LRP2BP: variants seen among roughly 807,000 people sequenced by gnomAD.
LRP2BP encodes the protein LRP2 binding protein.
A neutral mutation model predicts 45.2 loss-of-function variants in LRP2BP; 38 were observed. The ratio of observed to expected loss-of-function variants is 0.84; its 90% CI spans 0.65 to 1.10. The LOEUF (loss-of-function observed/expected upper bound fraction) is 1.10. LRP2BP is among the 50% of genes least tolerant of loss of function. LRP2BP has a pLI of 0.00. For missense variants in LRP2BP, 385 were observed against 418.9 expected (o/e 0.92, Z 0.71); for synonymous variants, 153 against 153.9 (o/e 0.99, Z 0.04).
At position 185,367,064 on chromosome 4, in the gene LRP2BP, A is replaced by G; in HGVS notation, c.*116T>C. On this transcript the variant is annotated 3_prime_UTR_variant, in exon 9 of 9. Transcript: ENST00000505916. ...AAGAACGAAGTAACATGTCACCTGT[A>G]AAATACCCAGGATAGTGTAATTTGT... The G allele has an allele frequency of 1.1e-6, 1 of 912,274 alleles. No homozygotes were observed. Among genetic ancestry groups the G allele is most frequent in the Non-Finnish European group, 1.7e-6 (1 of 589,586 alleles). The allele number at this position is 912,274 out of a possible 1,614,324, so 56.5% of individuals were successfully genotyped here. A position where few individuals can be genotyped will look rare whatever the true frequency, so the allele number is the denominator to read the frequency against.
At chr4:185,378,953 C>T in intron 1 of LRP2BP, 4 of 985,268 alleles carry the variant, frequency 4.1e-6, no homozygotes, top group Non-Finnish European at 4.8e-6. Context: ...ATAGAGAGAC[C>T]CTTAGTGTGA....
rs550395072 is a variant in LRP2BP at position 185,370,709 on chromosome 4, G to A, written c.909C>T (p.His303=). The change falls in exon 8 of 9, where the codon CAC becomes CAT. Residue 303 remains histidine, a synonymous_variant. Coordinates refer to ENST00000505916, the MANE Select transcript of LRP2BP (RefSeq NM_001377440.1). ...GRGMAMASFY[H]ARCLQLGLGI... The stretch of plus-strand genomic sequence containing the variant: ...CCAAGCCAAGCTGAAGACACCTTGC[G>A]TGGTAGAAGGATGCCATTGCCATGC... 27 of 1,614,034 alleles carry A rather than the reference G, an allele frequency of 1.7e-5. No homozygotes were observed. Among genetic ancestry groups the A allele is most frequent in the African/African-American group, 1.1e-4 (8 of 75,000 alleles).
At chr4:185,390,762 T>C (rs568878046) in intron 1 of LRP2BP, 1 of 152,324 alleles carries the variant, frequency 6.6e-6, no homozygotes, top group South Asian at 2.1e-4. Context: ...ACGCTGCCAC[T>C]GTGAGAGCTT....
chr4:185,392,324 T>G (rs2126851677), intron 1 of LRP2BP, among the ~76,000 whole-genome samples: 1 of 152,330 alleles, frequency 6.6e-6, no homozygotes, highest in South Asian at 2.1e-4. Flanking sequence ...CTCAGGAAAG[T>G]AAACATCATC....
At chr4:185,389,998 A>G (rs1376948680) in intron 1 of LRP2BP, among the ~76,000 whole-genome samples, 1 of 152,260 alleles carries the variant, frequency 6.6e-6, no homozygotes, top group African/African-American at 2.4e-5. Flanking sequence ...TGCATAAACT[A>G]TGGGCATAAG....
intron 4 of LRP2BP, among the ~76,000 whole-genome samples, chr4:185,375,008 A>G (rs2126799269): frequency 6.6e-6 from 1 of 152,238 alleles, no homozygotes; most frequent in African/African-American, 2.4e-5. Context: ...AAGATATTCT[A>G]ACCACTAGCA....
chr4:185,394,230 A>G (rs2095495823), intron 1 of LRP2BP, among the ~76,000 whole-genome samples: 2 of 149,494 alleles, frequency 1.3e-5, no homozygotes, highest in South Asian at 4.2e-4. Flanking sequence ...CTGCATTCCA[A>G]TCTGGGCAAG....
chr4:185,391,121 A>T (rs997566155), intron 1 of LRP2BP, among the ~76,000 whole-genome samples: 1 of 152,346 alleles, frequency 6.6e-6, no homozygotes, highest in South Asian at 2.1e-4. Context: ...GTTTTGAGGA[A>T]TACTAGCCGT....
At position 185,395,090 on chromosome 4, in the gene LRP2BP, C is replaced by CTT. The variant is rs36058225; in HGVS notation, c.-335_-334dup. 1.2e-4 allele frequency: 119 copies of CTT among 982,384 alleles called. No individual in the cohort carries two copies. Among genetic ancestry groups the CTT allele is most frequent in the Non-Finnish European group, 1.3e-4 (105 of 827,508 alleles). The allele number at this position is 982,384 out of a possible 1,614,324, so 60.9% of individuals were successfully genotyped here. A position where few individuals can be genotyped will look rare whatever the true frequency, so the allele number is the denominator to read the frequency against. On this transcript the variant is annotated 5_prime_UTR_variant, in exon 1 of 9. Coordinates refer to ENST00000505916, the MANE Select transcript of LRP2BP (RefSeq NM_001377440.1). ...AGTCAGATATCCAGCTGAGATACAA[C>CTT]TTTTTTTTCTGAAAACAATGTGAGC...
rs1267526864 is a variant in LRP2BP, at chr4:185,370,713, TA to T, written c.904del (p.Tyr302ThrfsTer29). 6.2e-7 allele frequency: 1 copy of T among 1,613,970 alleles called. No individual in the cohort carries two copies. The highest frequency in any genetic ancestry group is 1.3e-5 in the African/African-American group (1 of 74,884). ...IGRGMAMASF[Y>X]HARCLQLGLG... The stretch of plus-strand genomic sequence containing the variant: ...GCCAAGCTGAAGACACCTTGCGTGG[TA>T]GAAGGATGCCATTGCCATGCCTCTG... On this transcript the variant is annotated frameshift_variant, in exon 8 of 9. Transcript: ENST00000505916. LOFTEE classifies it high-confidence loss of function.
At chr4:185,397,245 C>A (rs938648762), upstream of LRP2BP, 15 of 1,614,038 alleles carry the variant, frequency 9.3e-6, 1 homozygote, top group Admixed American at 2.2e-4. Context: ...CCGCAGGAAG[C>A]GGCCTTGCTT....
chr4:185,375,559 CAAT>C (rs2095434646), intron 4 of LRP2BP, 51 bp downstream of exon 4: 1 of 581,340 alleles, frequency 1.7e-6, no homozygotes, highest in South Asian at 3.5e-5. Context: ...TAATTGTGTC[CAAT>C]AATCCACTGA....
chr4:185,388,052 C>T (rs1417712863), intron 1 of LRP2BP, among the ~76,000 whole-genome samples: 1 of 152,178 alleles, frequency 6.6e-6, no homozygotes, highest in Non-Finnish European at 1.5e-5. Context: ...GGTGTGTAGA[C>T]TGCCCCTTAA....
At chr4:185,394,053 G>A (rs940437135) in intron 1 of LRP2BP, among the ~76,000 whole-genome samples, 12 of 152,080 alleles carry the variant, frequency 7.9e-5, no homozygotes, top group Non-Finnish European at 1.6e-4. Context: ...GAGGTCAGGC[G>A]TTTGAGACCA....
chr4:185,389,676 A>G (rs1020480081), intron 1 of LRP2BP, among the ~76,000 whole-genome samples: 2 of 152,112 alleles, frequency 1.3e-5, no homozygotes, highest in South Asian at 2.1e-4. Context: ...CCAGTAAATC[A>G]TTTTTAGTTA....
chr4:185,391,706 A>G (rs1016547309), intron 1 of LRP2BP, among the ~76,000 whole-genome samples: 1 of 152,056 alleles, frequency 6.6e-6, no homozygotes, highest in African/African-American at 2.4e-5. Flanking sequence ...GTACTACACG[A>G]TGCTCTAGGC....
At chr4:185,388,454 T>TACCTATCAATCATCTACCTACCTACCC (rs1220560428) in intron 1 of LRP2BP, among the ~76,000 whole-genome samples, 1 of 152,140 alleles carries the variant, frequency 6.6e-6, no homozygotes, top group Non-Finnish European at 1.5e-5. Context: ...TCTGCCTACC[T>TACCTATCAATCATCTACCTACCTACCC]ACCTACCTAA....
chr4:185,392,398 A>C (rs1204301483), intron 1 of LRP2BP, among the ~76,000 whole-genome samples: 1 of 152,232 alleles, frequency 6.6e-6, no homozygotes, highest in Non-Finnish European at 1.5e-5. Context: ...GCAGTTGTTT[A>C]GAATAACTAT....
chr4:185,370,773 G>A lies in LRP2BP; in HGVS notation c.845C>T (p.Ala282Val). 3 of 1,614,134 alleles carry A rather than the reference G, an allele frequency of 1.9e-6. No individual in the cohort carries two copies. Among genetic ancestry groups the A allele is most frequent in the Non-Finnish European group, 2.5e-6 (3 of 1,180,014 alleles). ...YDEVHDIPMI[A>V]QVTDCLPEFI... ...CTCCGGGAGACAGTCTGTGACCTGG[G>A]CGATCATGGGGATGTCGTGAACCTC... Residue 282 changes from alanine (A) to valine (V), a missense_variant, in exon 8 of 9, where the codon GCC (alanine) becomes GTC (valine). Physicochemically the swap from Ala to Val is moderately conservative, Grantham distance 64. Transcript: ENST00000505916.
Sources: allele counts gnomAD v4.1 joint callset (sites outside exome capture counted in the v4.1 genomes callset), GRCh38; gene constraint gnomAD v4.1.1; transcripts MANE v1.5; gene names NCBI Gene and HGNC (gene_info 2026-07-23, HGNC 2026-07-21).